Variants in CUBN observed in about 807,000 individuals in gnomAD.
CUBN encodes 460 kDa receptor.
Under a neutral mutation model 405.3 loss-of-function variants are expected in CUBN, and 282 were observed. The ratio of observed to expected loss-of-function variants is 0.70; its 90% CI spans 0.63 to 0.77. The LOEUF (loss-of-function observed/expected upper bound fraction) is 0.77. CUBN is among the 30% of genes least tolerant of loss of function. The pLI, the probability that CUBN is intolerant of heterozygous loss-of-function variation, is 0.00. For synonymous variants in CUBN, 1,684 were observed against 1,617.0 expected (o/e 1.04, Z -0.99); for missense variants, 4,514 against 4,475.2 (o/e 1.01, Z -0.25).
chr10:17,031,351 G>C (rs1834783237), intron 27 of CUBN, among the ~76,000 whole-genome samples: 1 of 152,122 alleles, frequency 6.6e-6, no homozygotes, highest in South Asian at 2.1e-4. Context: ...TTATAGATTT[G>C]TTCTCTATTT....
intron 59 of CUBN, among the ~76,000 whole-genome samples, chr10:16,869,403 G>A (rs887907703): frequency 6.6e-6 from 1 of 151,864 alleles, no homozygotes; most frequent in African/African-American, 2.4e-5. Flanking sequence ...GACCTCAGGT[G>A]ATCCACCCGC....
chr10:17,060,130 CT>C (rs796415972), intron 22 of CUBN, among the ~76,000 whole-genome samples: 19 of 147,858 alleles, frequency 1.3e-4, no homozygotes, highest in African/African-American at 2.2e-4. Flanking sequence ...TTTTCTTTTT[CT>C]TTTTTTTTTC....
intron 31 of CUBN, among the ~76,000 whole-genome samples, chr10:16,976,817 T>C (rs942420242): frequency 6.6e-6 from 1 of 152,322 alleles, no homozygotes; most frequent in Middle Eastern, 3.4e-3. Flanking sequence ...GTAGTCACTA[T>C]TTATCTCTTC....
rs146544153 is a variant in CUBN, at chr10:16,995,883, C to T, written c.4169-5368G>A. 9.8e-4 allele frequency among the ~76,000 whole-genome samples: 149 copies of T among 152,172 alleles called. 1 individual carries two copies. Among genetic ancestry groups the T allele is most frequent in the Non-Finnish European group, 1.3e-3 (89 of 68,010 alleles). ...TTTTATTTGAAATTAATCATGACAACGGGAGGCAGGTAACAATGATGTCAG... is the reference window on the plus strand; with the variant it reads ...TTTTATTTGAAATTAATCATGACAATGGGAGGCAGGTAACAATGATGTCAG... On this transcript the variant is annotated intron_variant, in intron 28 of 66. Transcript: ENST00000377833.
chr10:17,081,359 C>A (rs1246646740), intron 17 of CUBN, among the ~76,000 whole-genome samples: 4 of 152,146 alleles, frequency 2.6e-5, no homozygotes, highest in Admixed American at 2.0e-4. Flanking sequence ...TGTAGAATTT[C>A]TTTTCTCTTC....
chr10:16,909,270 G>A (rs1471101660), intron 48 of CUBN, among the ~76,000 whole-genome samples: 1 of 152,084 alleles, frequency 6.6e-6, no homozygotes, highest in Non-Finnish European at 1.5e-5. Flanking sequence ...TGGCTCACTG[G>A]ACCAGAAGAA....
chr10:16,908,951 C>T (rs558225711), intron 48 of CUBN, among the ~76,000 whole-genome samples: 2 of 146,942 alleles, frequency 1.4e-5, no homozygotes, highest in South Asian at 4.3e-4. Flanking sequence ...GGCGCAATCT[C>T]GGCTCACTGC....
At chr10:16,995,919 G>C (rs577628658) in intron 28 of CUBN, among the ~76,000 whole-genome samples, 1 of 152,264 alleles carries the variant, frequency 6.6e-6, no homozygotes, top group South Asian at 2.1e-4. Flanking sequence ...GCCCATTGTA[G>C]AGGTGAGCAA....
At chr10:17,115,336 A>G in intron 7 of CUBN, 135 bp downstream of exon 7, 1 of 1,020,164 alleles carries the variant, frequency 9.8e-7, no homozygotes, top group Non-Finnish European at 1.5e-6. Context: ...CTCCTCGCCT[A>G]TGTCCTACTT....
intron 59 of CUBN, among the ~76,000 whole-genome samples, chr10:16,866,909 C>A (rs1840202335): frequency 6.6e-6 from 1 of 152,186 alleles, no homozygotes; most frequent in Admixed American, 6.5e-5. Flanking sequence ...ATAGTTCCCC[C>A]AAATTTGCTG....
At chr10:17,012,504 A>C (rs1399319124) in intron 28 of CUBN, among the ~76,000 whole-genome samples, 2 of 152,186 alleles carry the variant, frequency 1.3e-5, no homozygotes, top group Admixed American at 1.3e-4. Context: ...GATTGTAGTT[A>C]CTATCCTTAC....
At chr10:16,939,679 C>T (rs997701491) in intron 37 of CUBN, among the ~76,000 whole-genome samples, 7 of 152,164 alleles carry the variant, frequency 4.6e-5, no homozygotes, top group African/African-American at 7.2e-5. Flanking sequence ...ATGTGAAGAA[C>T]GTAGAGTTTA....
intron 65 of CUBN, among the ~76,000 whole-genome samples, chr10:16,830,347 A>G (rs1343721332): frequency 1.3e-5 from 2 of 152,194 alleles, no homozygotes; most frequent in East Asian, 3.8e-4. Flanking sequence ...GCTTTTCTTA[A>G]GATATTTAAA....
intron 59 of CUBN, among the ~76,000 whole-genome samples, chr10:16,852,356 C>T (rs1464880495): frequency 1.4e-5 from 2 of 139,790 alleles, no homozygotes; most frequent in Non-Finnish European, 3.1e-5. Flanking sequence ...TCTATCTTTC[C>T]CTCCCTCCCT....
At chr10:16,951,695 A>T (rs1208880375) in intron 33 of CUBN, among the ~76,000 whole-genome samples, 1 of 152,190 alleles carries the variant, frequency 6.6e-6, no homozygotes, top group East Asian at 1.9e-4. Flanking sequence ...TAGGGTTCCA[A>T]AAAAGAAAAG....
chr10:16,866,394 G>T (rs1477047344), intron 59 of CUBN, among the ~76,000 whole-genome samples: 1 of 152,100 alleles, frequency 6.6e-6, no homozygotes, highest in Admixed American at 6.6e-5. Flanking sequence ...ATTTGTACAG[G>T]ACACACATAA....
At chr10:16,974,062 A>G (rs923767104) in intron 31 of CUBN, among the ~76,000 whole-genome samples, 1 of 152,182 alleles carries the variant, frequency 6.6e-6, no homozygotes, top group Admixed American at 6.5e-5. Flanking sequence ...ACTCACCATC[A>G]GCAGCATCAT....
chr10:16,856,754 C>T (rs993790502), intron 59 of CUBN, among the ~76,000 whole-genome samples: 2 of 152,104 alleles, frequency 1.3e-5, no homozygotes, highest in Admixed American at 6.6e-5. Context: ...GTGTGCTGTA[C>T]GAGCAGATAC....
chr10:16,925,919 T>C (rs545435279), intron 41 of CUBN, 145 bp from the exon 42 acceptor site: 2 of 747,904 alleles, frequency 2.7e-6, no homozygotes, highest in African/African-American at 1.7e-5. Context: ...ATGATTATCA[T>C]AACAAGCATG....
Sources: gnomAD v4.1 joint callset for allele counts (sites outside exome capture counted in the v4.1 genomes callset) on GRCh38, gnomAD v4.1.1 for gene constraint, MANE v1.5 for transcripts, NCBI Gene and HGNC (gene_info 2026-07-23, HGNC 2026-07-21) for gene names.